PTN: variants seen among roughly 807,000 people sequenced by gnomAD.
The protein encoded by PTN is heparin affin regulatory protein.
Under a neutral mutation model 24.1 loss-of-function variants are expected in PTN, and 18 were observed. That is an observed-to-expected ratio of 0.75 (90% CI 0.52 to 1.11). PTN has a LOEUF of 1.11. Among genes scored for constraint, PTN ranks in the 50% least tolerant of loss-of-function variants. PTN has a pLI of 0.00. For synonymous variants in PTN, 78 were observed against 68.6 expected, an observed-to-expected ratio of 1.14 and a Z score of -0.67; for missense variants, 163 against 198.8, an observed-to-expected ratio of 0.82 and a Z score of 1.08.
At chr7:137,288,592 T>C (rs1038889073) in intron 1 of PTN, among the ~76,000 whole-genome samples, 2 of 152,200 alleles carry the variant, frequency 1.3e-5, no homozygotes, top group Admixed American at 6.5e-5. Context: ...AAATTTAGCA[T>C]TGGGACCTTA....
intron 1 of PTN, among the ~76,000 whole-genome samples, chr7:137,276,813 C>CA (rs1809367737): frequency 6.6e-6 from 1 of 151,524 alleles, no homozygotes; most frequent in Non-Finnish European, 1.5e-5. Flanking sequence ...AAAAAAATCA[C>CA]AAAAAATATT....
chr7:137,315,420 A>G (rs1450396538), intron 1 of PTN, among the ~76,000 whole-genome samples: 1 of 152,070 alleles, frequency 6.6e-6, no homozygotes, highest in Non-Finnish European at 1.5e-5. Flanking sequence ...CTTACCTGGT[A>G]GCCTTAAAGG....
chr7:137,340,830 G>A (rs193011480), intron 1 of PTN, among the ~76,000 whole-genome samples: 1 of 152,312 alleles, frequency 6.6e-6, no homozygotes, highest in African/African-American at 2.4e-5. Context: ...ACTCAGGTGT[G>A]GAGGATGTTT....
intron 4 of PTN, among the ~76,000 whole-genome samples, chr7:137,247,978 C>T (rs1808753005): frequency 1.3e-5 from 2 of 152,128 alleles, no homozygotes; most frequent in African/African-American, 2.4e-5. Flanking sequence ...TACTCCTGGT[C>T]AAGTAAATTA....
chr7:137,330,148 G>A (rs1810325710), intron 1 of PTN, among the ~76,000 whole-genome samples: 1 of 152,052 alleles, frequency 6.6e-6, no homozygotes. Context: ...TTAGCTAGGT[G>A]TGGTAACATG....
chr7:137,315,959 C>T (rs780947243), intron 1 of PTN, among the ~76,000 whole-genome samples: 22 of 152,002 alleles, frequency 1.4e-4, no homozygotes, highest in Non-Finnish European at 1.5e-5. Context: ...GTAGCAAAAA[C>T]CTCCTGTCAA....
intron 4 of PTN, among the ~76,000 whole-genome samples, chr7:137,246,820 G>T (rs1477100258): frequency 6.6e-6 from 1 of 152,174 alleles, no homozygotes; most frequent in African/African-American, 2.4e-5. Context: ...AGTTGAAAAG[G>T]CAGTGGGTCT....
intron 1 of PTN, among the ~76,000 whole-genome samples, chr7:137,281,576 G>A (rs1180978352): frequency 6.6e-6 from 1 of 152,154 alleles, no homozygotes; most frequent in Non-Finnish European, 1.5e-5. Flanking sequence ...CCATTTTGAC[G>A]AGATTAAGAT....
At chr7:137,335,055 A>C (rs1359867379) in intron 1 of PTN, among the ~76,000 whole-genome samples, 2 of 51,894 alleles carry the variant, frequency 3.9e-5, no homozygotes, top group East Asian at 7.0e-4. Flanking sequence ...GGGTGGGGGG[A>C]GGGGGGAGGG....
intron 1 of PTN, among the ~76,000 whole-genome samples, chr7:137,308,376 T>C (rs1809922842): frequency 6.6e-6 from 1 of 152,226 alleles, no homozygotes; most frequent in Non-Finnish European, 1.5e-5. Context: ...TGAATCCTAC[T>C]ATTTAACATC....
chr7:137,329,108 T>C (rs1810308972), intron 1 of PTN, among the ~76,000 whole-genome samples: 2 of 152,136 alleles, frequency 1.3e-5, no homozygotes, highest in Non-Finnish European at 2.9e-5. Flanking sequence ...ATTTCCCTCA[T>C]TTAGGAAGAA....
chr7:137,317,859 T>C (rs879539516), intron 1 of PTN, among the ~76,000 whole-genome samples: 2 of 152,102 alleles, frequency 1.3e-5, no homozygotes, highest in Non-Finnish European at 2.9e-5. Context: ...CAAAGACAGG[T>C]GAGCGAGGTT....
At chr7:137,297,420 T>C (rs920460398) in intron 1 of PTN, among the ~76,000 whole-genome samples, 2 of 152,094 alleles carry the variant, frequency 1.3e-5, no homozygotes, top group African/African-American at 4.8e-5. Context: ...CTCAAGTGGA[T>C]GCATTGAGGA....
intron 1 of PTN, among the ~76,000 whole-genome samples, chr7:137,259,796 T>A (rs1284921702): frequency 6.6e-6 from 1 of 151,874 alleles, no homozygotes; most frequent in Non-Finnish European, 1.5e-5. Context: ...TAATAAGAAC[T>A]CAAGGACCTT....
At chr7:137,259,286 A>G (rs980035391) in intron 1 of PTN, among the ~76,000 whole-genome samples, 2 of 152,130 alleles carry the variant, frequency 1.3e-5, no homozygotes, top group Non-Finnish European at 2.9e-5. Flanking sequence ...GGTAATATCT[A>G]AAGTAAATAC....
Position 137,271,605 on chromosome 7 carries a change from A to G in PTN, c.-1-16631T>C, listed in dbSNP as rs74534402. Among the ~76,000 whole-genome samples, 187 of 152,382 alleles carry G rather than the reference A, an allele frequency of 1.2e-3. 2 individuals carry two copies. The East Asian group carries it at 0.03, about 25-fold the overall frequency. On this transcript the variant is annotated intron_variant, in intron 1 of 4. Coordinates refer to ENST00000348225, the MANE Select transcript of PTN (RefSeq NM_002825.7). Reference sequence around the variant, plus strand: ...TATTCTGGGGAGCCAAATGAGTTCAAAGAAGACTCGGCTGTTTGTATTATT... The same window carrying G: ...TATTCTGGGGAGCCAAATGAGTTCAGAGAAGACTCGGCTGTTTGTATTATT...
At chr7:137,237,664 C>A (rs1012877737) in intron 4 of PTN, among the ~76,000 whole-genome samples, 1 of 152,122 alleles carries the variant, frequency 6.6e-6, no homozygotes, top group Non-Finnish European at 1.5e-5. Context: ...CTTTCACCCC[C>A]CTTCAAACAT....
Position 137,236,091 on chromosome 7 carries a change from A to G in PTN, c.452-8016T>C, listed in dbSNP as rs1167408624. On this transcript the variant is annotated intron_variant, in intron 4 of 4. Coordinates refer to ENST00000348225, the MANE Select transcript of PTN (RefSeq NM_002825.7). ...TGAAATTACTTCATCAACCATGCAG[A>G]ACAAAATTAATAAAAGTCCCCAATA... 3 of 691,376 alleles carry G rather than the reference A, an allele frequency of 4.3e-6. No individual in the cohort carries two copies. The East Asian group carries it at 8.1e-5, about 19-fold the overall frequency. 42.8% of individuals were successfully genotyped at this position (691,376 alleles called of 1,614,324 possible). A position where few individuals can be genotyped will look rare whatever the true frequency, so the allele number is the denominator to read the frequency against.
intron 1 of PTN, among the ~76,000 whole-genome samples, chr7:137,271,210 A>G (rs776947491): frequency 6.6e-6 from 1 of 152,234 alleles, no homozygotes; most frequent in Non-Finnish European, 1.5e-5. Context: ...CCAATGTCAT[A>G]TAATTTCAGA....
Sources: allele counts gnomAD v4.1 joint callset (sites outside exome capture counted in the v4.1 genomes callset), GRCh38; gene constraint gnomAD v4.1.1; transcripts MANE v1.5; gene names NCBI Gene and HGNC (gene_info 2026-07-23, HGNC 2026-07-21).